INTS6: variants seen among roughly 807,000 people sequenced by gnomAD.
The protein encoded by INTS6 is integrator complex subunit 6, also known as DEAD box protein.
Under a neutral mutation model 104.9 loss-of-function variants are expected in INTS6, and 16 were observed. The ratio of observed to expected loss-of-function variants is 0.15; its 90% CI spans 0.10 to 0.23. The LOEUF (loss-of-function observed/expected upper bound fraction) is 0.23. Among genes scored for constraint, INTS6 ranks in the 10% least tolerant of loss-of-function variants. The pLI, the probability that INTS6 is intolerant of heterozygous loss-of-function variation, is 1.00. For synonymous variants in INTS6, 324 were observed against 358.7 expected, an observed-to-expected ratio of 0.90 and a Z score of 1.09; for missense variants, 584 against 1,062.8, an observed-to-expected ratio of 0.55 and a Z score of 6.26.
chr13:51,412,798 C>T (rs774214429), intron 4 of INTS6, among the ~76,000 whole-genome samples: 27 of 152,282 alleles, frequency 1.8e-4, no homozygotes, highest in Non-Finnish European at 2.8e-4. Flanking sequence ...ACTGGAACAC[C>T]AGCAAATTCA....
intron 9 of INTS6, among the ~76,000 whole-genome samples, chr13:51,382,560 G>A (rs1370810902): frequency 6.6e-6 from 1 of 152,106 alleles, no homozygotes; most frequent in Non-Finnish European, 1.5e-5. Context: ...CTAACTTTAG[G>A]CTTTTATCAA....
At chr13:51,397,947 A>G (rs570324499) in intron 4 of INTS6, among the ~76,000 whole-genome samples, 1 of 148,160 alleles carries the variant, frequency 6.7e-6, no homozygotes, top group East Asian at 2.0e-4. Flanking sequence ...TTTCAAATGT[A>G]AAAAAAAAAC....
intron 6 of INTS6, among the ~76,000 whole-genome samples, chr13:51,388,389 G>C (rs565686710): frequency 2.7e-5 from 4 of 149,848 alleles, no homozygotes; most frequent in African/African-American, 7.4e-5. Flanking sequence ...TTTTGTTTTT[G>C]TTTTTGTTTT....
chr13:51,440,261 A>G (rs1224263059), intron 3 of INTS6: 1 of 152,078 alleles, frequency 6.6e-6, no homozygotes, highest in Non-Finnish European at 1.5e-5. Context: ...AAAAAAAAAA[A>G]AAGTTTTTAA....
chr13:51,446,835 T>C (rs775255326), intron 3 of INTS6: 8 of 152,234 alleles, frequency 5.3e-5, no homozygotes, highest in Non-Finnish European at 7.3e-5. Context: ...CACTTAACTG[T>C]GATATCCAGA....
chr13:51,349,849 A>C (rs1955387561), downstream of INTS6, among the ~76,000 whole-genome samples: 1 of 152,264 alleles, frequency 6.6e-6, no homozygotes, highest in East Asian at 1.9e-4. Flanking sequence ...AAGACTACCA[A>C]GACTGCTGTC....
rs1955746085 is a variant in INTS6 at position 51,368,935 on chromosome 13, A to G, written c.2476+4T>C. On this transcript the variant is annotated splice_donor_region_variant and intron_variant, in intron 16 of 17. Transcript: ENST00000311234. Reference sequence around the variant, plus strand: ...ATCTGAGGTTCGTCTCTTATTATACATACTTCTTCCTGGCTTTCGGATCTC... The same window carrying G: ...ATCTGAGGTTCGTCTCTTATTATACGTACTTCTTCCTGGCTTTCGGATCTC... 1 of 1,575,626 alleles carries G rather than the reference A, an allele frequency of 6.3e-7. No homozygotes were observed. The highest frequency in any genetic ancestry group is 1.9e-5 in the Admixed American group (1 of 53,914).
At chr13:51,346,953 C>A in the INTS6 span, 1 of 1,151,084 alleles carries the variant, frequency 8.7e-7, no homozygotes, top group Non-Finnish European at 1.3e-6. Context: ...ACTCCTTGTC[C>A]GCACACACAC....
At chr13:51,420,724 T>C (rs993080745) in intron 4 of INTS6, among the ~76,000 whole-genome samples, 3 of 130,758 alleles carry the variant, frequency 2.3e-5, no homozygotes, top group South Asian at 4.9e-4. Context: ...CTAATAAATA[T>C]ACAAATCAAG....
At position 51,419,432 on chromosome 13, in the gene INTS6, A is replaced by G. The variant is rs574150112; in HGVS notation, c.429+10862T>C. ...CATTTCCTGCTGCTGTTTTTCTTGAACACTTTGCCAGCTATCAATACTGAG... is the reference window on the plus strand; with the variant it reads ...CATTTCCTGCTGCTGTTTTTCTTGAGCACTTTGCCAGCTATCAATACTGAG... On this transcript the variant is annotated intron_variant, in intron 4 of 17. Transcript: ENST00000311234. Among the ~76,000 whole-genome samples, 5 of 152,130 alleles carry G rather than the reference A, an allele frequency of 3.3e-5. No individual in the cohort carries two copies. In the South Asian group the frequency reaches 1.0e-3, roughly 32 times the overall value.
Position 51,395,867 on chromosome 13 carries a change from G to C in INTS6, c.430-384C>G, listed in dbSNP as rs1306169979. 3.3e-5 allele frequency among the ~76,000 whole-genome samples: 5 copies of C among 152,010 alleles called. No homozygotes were observed. In the East Asian group the frequency reaches 5.8e-4, roughly 18 times the overall value. On this transcript the variant is annotated intron_variant, in intron 4 of 17. Coordinates refer to ENST00000311234, the MANE Select transcript of INTS6 (RefSeq NM_012141.3). The stretch of plus-strand genomic sequence containing the variant: ...GGTTGCAGTGCAGAGGCACGATCTT[G>C]GCTCATTGCAACCTCTGCCTCCTGG...
chr13:51,366,197 C>A (rs1955684902), intron 17 of INTS6, among the ~76,000 whole-genome samples: 1 of 151,950 alleles, frequency 6.6e-6, no homozygotes, highest in Non-Finnish European at 1.5e-5. Flanking sequence ...GCTCCCCAAG[C>A]AAATACTTCA....
rs904237360 is a variant in INTS6 at position 51,451,242 on chromosome 13, C to G, written c.190-68G>C. ...GCCATGTACACAGAGCCGTTATAAT[C>G]TGACGTTCACCAAGTAGCAGCTTCA... On this transcript the variant is annotated intron_variant, in intron 2 of 17. Transcript: ENST00000311234. 2.3e-6 allele frequency: 3 copies of G among 1,282,504 alleles called. No homozygotes were observed. In the Admixed American group the frequency reaches 8.3e-5, roughly 36 times the overall value. 79.4% of individuals were successfully genotyped at this position (1,282,504 alleles called of 1,614,324 possible). A position where few individuals can be genotyped will look rare whatever the true frequency, so the allele number is the denominator to read the frequency against.
chr13:51,424,366 C>G (rs939845506), intron 4 of INTS6, among the ~76,000 whole-genome samples: 1 of 151,582 alleles, frequency 6.6e-6, no homozygotes, highest in African/African-American at 2.4e-5. Context: ...TTTCTTACTA[C>G]ATGATCTTGA....
the INTS6 span, among the ~76,000 whole-genome samples, chr13:51,342,673 A>G: frequency 6.6e-6 from 1 of 152,162 alleles, no homozygotes; most frequent in Non-Finnish European, 1.5e-5. Context: ...CCTGGCCCAG[A>G]GAGGGTGGAA....
chr13:51,359,838 G>C (rs1955535881), downstream of INTS6, among the ~76,000 whole-genome samples: 1 of 152,016 alleles, frequency 6.6e-6, no homozygotes, highest in African/African-American at 2.4e-5. Flanking sequence ...TAATTAGCTA[G>C]TAAGAGGGGC....
the INTS6 span, among the ~76,000 whole-genome samples, chr13:51,336,702 AG>A: frequency 6.6e-6 from 1 of 152,160 alleles, no homozygotes; most frequent in Non-Finnish European, 1.5e-5. Context: ...CACCATGATA[AG>A]GCTGTTTGCT....
chr13:51,366,804 A>T (rs1320162668), intron 17 of INTS6, among the ~76,000 whole-genome samples: 1 of 152,060 alleles, frequency 6.6e-6, no homozygotes, highest in Non-Finnish European at 1.5e-5. Flanking sequence ...TAAAATCTTC[A>T]TGTGTAGCAT....
At chr13:51,378,154 T>C in intron 12 of INTS6, 85 bp downstream of exon 12, 2 of 974,128 alleles carry the variant, frequency 2.1e-6, no homozygotes, top group South Asian at 2.7e-5. Flanking sequence ...CTGGATAAAC[T>C]GAATGTCAGA....
Sources: gnomAD v4.1 joint callset for allele counts (sites outside exome capture counted in the v4.1 genomes callset) on GRCh38, gnomAD v4.1.1 for gene constraint, MANE v1.5 for transcripts, NCBI Gene and HGNC (gene_info 2026-07-23, HGNC 2026-07-21) for gene names.